SOX5: variants seen among roughly 807,000 people sequenced by gnomAD.
SOX5 encodes transcription factor SOX-5.
In SOX5, 9 loss-of-function variants were observed where a neutral mutation model predicts 92.0. That is an observed-to-expected ratio of 0.10 (90% CI 0.06 to 0.17). The LOEUF (loss-of-function observed/expected upper bound fraction) is 0.17. Among genes scored for constraint, SOX5 ranks in the 10% least tolerant of loss-of-function variants. SOX5 has a pLI of 1.00. For missense variants in SOX5, 642 were observed against 944.5 expected (o/e 0.68, Z 4.20); for synonymous variants, 344 against 336.3 (o/e 1.02, Z -0.25).
chr12:23,959,227 A>C (rs1216470684), intron 4 of SOX5, among the ~76,000 whole-genome samples: 1 of 151,938 alleles, frequency 6.6e-6, no homozygotes, highest in East Asian at 1.9e-4. Flanking sequence ...AAAGAAAAAG[A>C]ATGAGGGCTT....
At chr12:24,241,687 G>A (rs934169205) in intron 3 of SOX5, among the ~76,000 whole-genome samples, 2 of 152,142 alleles carry the variant, frequency 1.3e-5, no homozygotes, top group Non-Finnish European at 2.9e-5. Flanking sequence ...GAACATTCAA[G>A]CTCATTAGGC....
intron 4 of SOX5, among the ~76,000 whole-genome samples, chr12:23,967,429 GAC>G (rs1368216909): frequency 1.3e-5 from 2 of 150,936 alleles, no homozygotes; most frequent in Non-Finnish European, 3.0e-5. Flanking sequence ...TTAATCTGGT[GAC>G]AGCATATGCA....
chr12:23,584,484 A>G (rs1950446750), intron 9 of SOX5: 19 of 1,159,086 alleles, frequency 1.6e-5, no homozygotes, highest in Non-Finnish European at 2.2e-5. Flanking sequence ...ATCATTATGC[A>G]TAAGTCATTT....
chr12:24,057,915 A>G (rs1473242162), intron 4 of SOX5, among the ~76,000 whole-genome samples: 1 of 152,188 alleles, frequency 6.6e-6, no homozygotes, highest in Non-Finnish European at 1.5e-5. Flanking sequence ...TAATTTCTCC[A>G]CAGTCTTTAA....
intron 4 of SOX5, among the ~76,000 whole-genome samples, chr12:23,746,432 A>C (rs1284375516): frequency 6.6e-6 from 1 of 152,212 alleles, no homozygotes; most frequent in African/African-American, 2.4e-5. Flanking sequence ...AACTTGCTCC[A>C]TCTGAGTCAG....
intron 4 of SOX5, among the ~76,000 whole-genome samples, chr12:24,129,034 A>G (rs1949389006): frequency 6.6e-6 from 1 of 152,212 alleles, no homozygotes; most frequent in African/African-American, 2.4e-5. Flanking sequence ...CACATTTACA[A>G]GGACATCTGA....
intron 2 of SOX5, among the ~76,000 whole-genome samples, chr12:24,329,221 A>G (rs1383838540): frequency 6.6e-6 from 1 of 152,194 alleles, no homozygotes; most frequent in Non-Finnish European, 1.5e-5. Flanking sequence ...ACACTGCTAT[A>G]AAGATACTAC....
At chr12:24,418,028 T>A (rs1965313362) in intron 1 of SOX5, among the ~76,000 whole-genome samples, 1 of 152,188 alleles carries the variant, frequency 6.6e-6, no homozygotes, top group African/African-American at 2.4e-5. Flanking sequence ...AGAGGAATTA[T>A]TTCAAAGATT....
At chr12:23,602,632 A>C (rs956047221) in intron 9 of SOX5, among the ~76,000 whole-genome samples, 1 of 152,122 alleles carries the variant, frequency 6.6e-6, no homozygotes, top group Admixed American at 6.5e-5. Context: ...CCTCATTACG[A>C]AACATGATGT....
intron 8 of SOX5, among the ~76,000 whole-genome samples, chr12:23,616,136 T>C (rs1385213120): frequency 6.6e-6 from 1 of 152,204 alleles, no homozygotes; most frequent in Non-Finnish European, 1.5e-5. Context: ...CATGCCAAGG[T>C]AGGACTCTGA....
At chr12:24,164,816 T>C (rs867158220) in intron 4 of SOX5, among the ~76,000 whole-genome samples, 1 of 152,136 alleles carries the variant, frequency 6.6e-6, no homozygotes, top group Non-Finnish European at 1.5e-5. Context: ...TAATGTGTCA[T>C]TTGTTTAAAT....
At chr12:24,478,662 T>G (rs1286212284) in intron 1 of SOX5, among the ~76,000 whole-genome samples, 3 of 152,188 alleles carry the variant, frequency 2.0e-5, no homozygotes, top group Admixed American at 2.0e-4. Flanking sequence ...CAAGAAATCT[T>G]TGGAGCATTA....
In SOX5 at chr12:23,949,572, C is replaced by G; in HGVS notation, c.30G>C (p.Glu10Asp). The change falls in exon 1 of 15, where the codon GAG (glutamate) becomes GAC (aspartate). Residue 10 changes from glutamate (E) to aspartate (D), a missense_variant. Transcript: ENST00000451604. MLTDPDLPQ[E>D]FERMSSKRPA... ...GAAAAAACTGTACTCACCTTTCAAA[C>G]TCCTGAGGTAAATCAGGGTCAGTAA... The G allele has an allele frequency of 6.2e-7, 1 of 1,613,672 alleles. No individual in the cohort carries two copies. The highest frequency in any genetic ancestry group is 8.5e-7 in the Non-Finnish European group (1 of 1,179,584).
chr12:24,468,176 GT>G (rs1944425716), intron 1 of SOX5, among the ~76,000 whole-genome samples: 1 of 152,174 alleles, frequency 6.6e-6, no homozygotes, highest in Admixed American at 6.5e-5. Context: ...GCCTTCCAGG[GT>G]TCTGGAACGA....
intron 4 of SOX5, among the ~76,000 whole-genome samples, chr12:24,167,883 G>C (rs1953610112): frequency 6.6e-6 from 1 of 152,204 alleles, no homozygotes; most frequent in Admixed American, 6.5e-5. Context: ...CTGAGAGAGA[G>C]AAAGGGAAAG....
chr12:23,940,315 A>G (rs1943378147), intron 1 of SOX5, among the ~76,000 whole-genome samples: 1 of 151,220 alleles, frequency 6.6e-6, no homozygotes, highest in Non-Finnish European at 1.5e-5. Context: ...TGGTATTTAG[A>G]TTAAAAACTC....
At chr12:23,743,565 C>T (rs1276696982) in intron 4 of SOX5, among the ~76,000 whole-genome samples, 1 of 152,124 alleles carries the variant, frequency 6.6e-6, no homozygotes, top group South Asian at 2.1e-4. Flanking sequence ...CCGCCTCAGC[C>T]TCTCAAAGTG....
chr12:24,503,319 G>A (rs1435835071), intron 1 of SOX5, among the ~76,000 whole-genome samples: 1 of 152,188 alleles, frequency 6.6e-6, no homozygotes, highest in East Asian at 1.9e-4. Flanking sequence ...GTCACTGGAA[G>A]CCAGAAGTTC....
Position 24,244,163 on chromosome 12 carries a change from G to A in SOX5, c.-76-30746C>T, listed in dbSNP as rs552556834. ...AGAAAACTTTACCACTTTGCTTATC[G>A]TACTGAACTTCTATAACTTTGAGCC... On this transcript the variant is annotated intron_variant, in intron 3 of 4. Transcript: ENST00000446891. Among the ~76,000 whole-genome samples the A allele has an allele frequency of 5.4e-4, 82 of 152,090 alleles. No homozygotes were observed. The South Asian group carries it at 0.016, about 29-fold the overall frequency.
Sources: gnomAD v4.1 joint callset for allele counts (sites outside exome capture counted in the v4.1 genomes callset) on GRCh38, gnomAD v4.1.1 for gene constraint, MANE v1.5 for transcripts, NCBI Gene and HGNC (gene_info 2026-07-23, HGNC 2026-07-21) for gene names.